C1QTNF3: variants seen among roughly 807,000 people sequenced by gnomAD.
C1QTNF3 encodes the protein complement C1q tumor necrosis factor-related protein 3.
C1QTNF3 carries 26 observed loss-of-function variants against 32.6 expected under a neutral mutation model. The ratio of observed to expected loss-of-function variants is 0.80; its 90% confidence interval spans 0.58 to 1.11. The LOEUF (loss-of-function observed/expected upper bound fraction) is 1.11, where lower values mean the gene tolerates loss of function less well. Among genes scored for constraint, C1QTNF3 ranks in the 50% least tolerant of loss-of-function variants. The pLI is 0.00. For missense variants in C1QTNF3, 362 were observed against 398.2 expected (o/e 0.91, Z 0.77); for synonymous variants, 155 against 146.0 (o/e 1.06, Z -0.44).
chr5:34,229,474 T>A, the C1QTNF3 span, among the ~76,000 whole-genome samples: 1 of 152,176 alleles, frequency 6.6e-6, no homozygotes, highest in South Asian at 2.1e-4. Context: ...GTCAGAATAA[T>A]GGCTCTTCAG....
At chr5:34,177,480 CTTTTTTTTT>C in the C1QTNF3 span, among the ~76,000 whole-genome samples, 4 of 84,658 alleles carry the variant, frequency 4.7e-5, no homozygotes, top group South Asian at 1.0e-3. Context: ...CCATACCCAA[CTTTTTTTTT>C]TTTTTTTTTT....
At chr5:34,161,901 C>G in the C1QTNF3 span, among the ~76,000 whole-genome samples, 1 of 152,086 alleles carries the variant, frequency 6.6e-6, no homozygotes, top group Non-Finnish European at 1.5e-5. Context: ...CCCACTTAAA[C>G]CATGCATTGT....
In C1QTNF3 at chr5:34,018,347, T is replaced by G. The variant is rs1236430341; in HGVS notation, c.*2236A>C. Among the ~76,000 whole-genome samples, 1 of 152,214 alleles carries G rather than the reference T, an allele frequency of 6.6e-6. No individual in the cohort carries two copies. Among genetic ancestry groups the G allele is most frequent in the African/African-American group, 2.4e-5 (1 of 41,466 alleles). On this transcript the variant is annotated 3_prime_UTR_variant, in exon 6 of 6. Coordinates refer to ENST00000382065, the MANE Select transcript of C1QTNF3 (RefSeq NM_181435.6). ...TTTTCCACAAGCTTTTCTTATGCTC[T>G]CAGCTAGATACTGTTTCTCTCTCCT...
the C1QTNF3 span, among the ~76,000 whole-genome samples, chr5:34,194,953 C>G: frequency 6.6e-6 from 1 of 150,892 alleles, no homozygotes; most frequent in Non-Finnish European, 1.5e-5. Context: ...TTTACATGTT[C>G]AGTACAGACG....
At chr5:34,062,032 T>C in the C1QTNF3 span, among the ~76,000 whole-genome samples, 4 of 152,214 alleles carry the variant, frequency 2.6e-5, no homozygotes, top group African/African-American at 9.6e-5. Context: ...AAGTCACCTA[T>C]TGAATGCTTT....
the C1QTNF3 span, among the ~76,000 whole-genome samples, chr5:34,123,397 TA>T: frequency 6.6e-6 from 1 of 152,140 alleles, no homozygotes; most frequent in Non-Finnish European, 1.5e-5. Flanking sequence ...TACATATAAA[TA>T]ATATCAGATT....
At chr5:34,159,006 G>C in the C1QTNF3 span, among the ~76,000 whole-genome samples, 59 of 152,104 alleles carry the variant, frequency 3.9e-4, no homozygotes, top group African/African-American at 1.4e-3. Context: ...CACATACATA[G>C]TGTATAAATA....
chr5:34,076,600 A>T, the C1QTNF3 span, among the ~76,000 whole-genome samples: 1 of 151,580 alleles, frequency 6.6e-6, no homozygotes, highest in Non-Finnish European at 1.5e-5. Flanking sequence ...CAATTATTTA[A>T]ATTTCAGTGG....
chr5:34,226,160 A>G, the C1QTNF3 span, among the ~76,000 whole-genome samples: 1 of 152,106 alleles, frequency 6.6e-6, no homozygotes, highest in East Asian at 1.9e-4. Flanking sequence ...TTCTATGTAT[A>G]AACTATCTTT....
the C1QTNF3 span, among the ~76,000 whole-genome samples, chr5:34,224,480 C>G: frequency 6.6e-6 from 1 of 152,010 alleles, no homozygotes; most frequent in South Asian, 2.1e-4. Context: ...CAGAACAGAG[C>G]CCTCAGAAAT....
At chr5:34,100,477 T>C in the C1QTNF3 span, among the ~76,000 whole-genome samples, 3 of 151,934 alleles carry the variant, frequency 2.0e-5, no homozygotes, top group Non-Finnish European at 4.4e-5. Context: ...AAAACAGTGT[T>C]AATAAAGATT....
chr5:34,144,213 TA>T, the C1QTNF3 span, among the ~76,000 whole-genome samples: 1 of 152,152 alleles, frequency 6.6e-6, no homozygotes, highest in African/African-American at 2.4e-5. Flanking sequence ...CAAGAAGACT[TA>T]ACTAACTGTC....
chr5:34,076,730 C>T, the C1QTNF3 span, among the ~76,000 whole-genome samples: 1 of 151,650 alleles, frequency 6.6e-6, no homozygotes, highest in African/African-American at 2.4e-5. Context: ...ATAAAAACAA[C>T]TAACTTCTGT....
At chr5:34,056,542 T>C in the C1QTNF3 span, among the ~76,000 whole-genome samples, 985 of 137,752 alleles carry the variant, frequency 7.2e-3, 14 homozygotes, top group African/African-American at 0.026. Context: ...AGATAGGGTG[T>C]CAGCCTGTTC....
chr5:34,055,353 A>G, the C1QTNF3 span, among the ~76,000 whole-genome samples: 3 of 152,368 alleles, frequency 2.0e-5, 1 homozygote, highest in South Asian at 6.2e-4. Flanking sequence ...ACAGCAGGAC[A>G]TTGAATCCCA....
chr5:34,179,521 GAAAAGA>G, the C1QTNF3 span, among the ~76,000 whole-genome samples: 1 of 99,610 alleles, frequency 1.0e-5, no homozygotes, highest in African/African-American at 3.1e-5. Context: ...AGAAAGAAAA[GAAAAGA>G]AAAAAAAAAA....
At chr5:34,035,784 A>G (rs773213052) in intron 1 of C1QTNF3, 26 bp from the exon 2 acceptor site, 2 of 1,568,614 alleles carry the variant, frequency 1.3e-6, no homozygotes, top group Non-Finnish European at 1.7e-6. Flanking sequence ...GAGAAGCTTC[A>G]GAAAAAAAGG....
chr5:34,207,081 T>A, the C1QTNF3 span, among the ~76,000 whole-genome samples: 1 of 151,982 alleles, frequency 6.6e-6, no homozygotes, highest in Non-Finnish European at 1.5e-5. Context: ...GGCCTCAGAA[T>A]ATGTACAGTT....
intron 5 of C1QTNF3, 91 bp from the exon 6 acceptor site, chr5:34,020,833 C>T (rs1754311105): frequency 7.5e-7 from 1 of 1,340,102 alleles, no homozygotes; most frequent in Non-Finnish European, 1.0e-6. Flanking sequence ...CTCCTTCCCA[C>T]AGGTATAATC....
Sources: gnomAD v4.1 joint callset for allele counts (sites outside exome capture counted in the v4.1 genomes callset) on GRCh38, gnomAD v4.1.1 for gene constraint, MANE v1.5 for transcripts, NCBI Gene and HGNC (gene_info 2026-07-23, HGNC 2026-07-21) for gene names.